Variants in CATSPERE observed in about 807,000 individuals in gnomAD.
CATSPERE encodes the protein catsper channel auxiliary subunit epsilon.
In CATSPERE, 93 loss-of-function variants were observed where a neutral mutation model predicts 114.1. That is an observed-to-expected ratio of 0.81 (90% CI 0.69 to 0.97). The LOEUF is 0.97. CATSPERE is among the 50% of genes least tolerant of loss of function. The probability of loss-of-function intolerance (pLI) is 0.00; values close to 1 mark genes in which losing one functional copy is unlikely to be tolerated. For missense variants in CATSPERE, 1,058 were observed against 1,131.6 expected (o/e 0.93, Z 0.93); for synonymous variants, 341 against 384.1 (o/e 0.89, Z 1.31).
intron 15 of CATSPERE, among the ~76,000 whole-genome samples, chr1:244,592,832 C>T (rs1157997936): frequency 6.6e-6 from 1 of 152,144 alleles, no homozygotes; most frequent in Non-Finnish European, 1.5e-5. Flanking sequence ...CTGTCCCCTG[C>T]AACGTGGTAA....
chr1:244,560,975 C>G lies in CATSPERE; in HGVS notation c.1337C>G (p.Thr446Ser), dbSNP rs73115417. 7 of 1,613,842 alleles carry G rather than the reference C, an allele frequency of 4.3e-6. No individual in the cohort carries two copies. The highest frequency in any genetic ancestry group is 3.3e-5 in the Admixed American group (2 of 60,000). ...TTAGATGCCCCTATTGACAGTGTTA[C>G]CATGCCACATTTTACATTTTCAGCA... Reference protein sequence around the residue: ...FTLDAPIDSVTMPHFTFSALP... With the variant: ...FTLDAPIDSVSMPHFTFSALP... Residue 446 changes from threonine to serine, a missense_variant, in exon 10 of 22, where the codon ACC becomes AGC. Coordinates refer to ENST00000366534, the MANE Select transcript of CATSPERE (RefSeq NM_001130957.2).
intron 20 of CATSPERE, among the ~76,000 whole-genome samples, chr1:244,618,208 C>G (rs1671637247): frequency 1.3e-5 from 2 of 152,076 alleles, no homozygotes; most frequent in Non-Finnish European, 2.9e-5. Context: ...ACAGACGCTT[C>G]CAGTGAAAGA....
chr1:244,452,385 CTG>C (rs761496921), upstream of CATSPERE, among the ~76,000 whole-genome samples: 8 of 152,312 alleles, frequency 5.3e-5, no homozygotes, highest in Non-Finnish European at 8.8e-5. Flanking sequence ...AAAATACAAA[CTG>C]TGGAATTTCG....
chr1:244,639,926 A>G lies in CATSPERE; in HGVS notation c.2703-2A>G. 1 of 1,522,886 alleles carries G rather than the reference A, an allele frequency of 6.6e-7. No individual in the cohort carries two copies. The highest frequency in any genetic ancestry group is 1.4e-5 in the African/African-American group (1 of 70,198). 94.3% of individuals were successfully genotyped at this position (1,522,886 alleles called of 1,614,324 possible). On this transcript the variant is annotated splice_acceptor_variant, in intron 21 of 21. Coordinates refer to ENST00000366534, the MANE Select transcript of CATSPERE (RefSeq NM_001130957.2). LOFTEE classifies it high-confidence loss of function. ...GCCTTTTTTTTTTTTTTCTGATTTC[A>G]GTCCAAGTGTCTACCTGGTAGCTTC...
chr1:244,598,941 C>G (rs1668802022), intron 17 of CATSPERE, among the ~76,000 whole-genome samples: 1 of 152,118 alleles, frequency 6.6e-6, no homozygotes, highest in African/African-American at 2.4e-5. Context: ...GTCAAGTATG[C>G]TTAGGCTATG....
At chr1:244,617,481 C>A in intron 19 of CATSPERE, 48 bp from the exon 20 acceptor site, 1 of 1,384,396 alleles carries the variant, frequency 7.2e-7, no homozygotes, top group Non-Finnish European at 9.5e-7. Context: ...TTTTGCGTAT[C>A]AAAGTCATAA....
chr1:244,463,887 A>T, intron 1 of CATSPERE, 21 bp from the exon 2 acceptor site: 2 of 1,568,274 alleles, frequency 1.3e-6, no homozygotes, highest in East Asian at 2.2e-5. Flanking sequence ...TAATATTTAT[A>T]CTTGGCCTCT....
chr1:244,634,483 A>G (rs963984407), intron 20 of CATSPERE, among the ~76,000 whole-genome samples: 1 of 152,244 alleles, frequency 6.6e-6, no homozygotes, highest in Non-Finnish European at 1.5e-5. Context: ...AGGTGAAATC[A>G]TGTCATAAAT....
At chr1:244,587,882 G>T (rs1037643473) in intron 13 of CATSPERE, among the ~76,000 whole-genome samples, 2 of 152,136 alleles carry the variant, frequency 1.3e-5, no homozygotes, top group African/African-American at 4.8e-5. Flanking sequence ...GATAGTCATG[G>T]TTGTAGAGAA....
At chr1:244,604,459 G>A (rs1669706739) in intron 17 of CATSPERE, among the ~76,000 whole-genome samples, 1 of 152,244 alleles carries the variant, frequency 6.6e-6, no homozygotes, top group African/African-American at 2.4e-5. Context: ...GACCTAGAAG[G>A]CCAGATACAA....
intron 10 of CATSPERE, among the ~76,000 whole-genome samples, chr1:244,564,205 T>A (rs12567005): frequency 0.19 from 28,225 of 152,106 alleles, 3,795 homozygotes; most frequent in East Asian, 0.41. Flanking sequence ...AGCTTTGTTC[T>A]TTTTGTTTAG....
chr1:244,468,507 A>G (rs1001321475), intron 2 of CATSPERE, among the ~76,000 whole-genome samples: 2 of 152,228 alleles, frequency 1.3e-5, no homozygotes, highest in Non-Finnish European at 2.9e-5. Context: ...CAGCTATGTC[A>G]TTTTAGAAAT....
chr1:244,509,855 T>G (rs1675416429), intron 7 of CATSPERE, among the ~76,000 whole-genome samples: 1 of 152,178 alleles, frequency 6.6e-6, no homozygotes, highest in African/African-American at 2.4e-5. Flanking sequence ...TTTCACAATT[T>G]GTTAGCATAT....
intron 8 of CATSPERE, among the ~76,000 whole-genome samples, chr1:244,521,721 TACA>T (rs1443372912): frequency 3.9e-5 from 6 of 152,224 alleles, no homozygotes; most frequent in East Asian, 3.8e-4. Context: ...GAAGGATTTC[TACA>T]ACAATTCAAA....
intron 6 of CATSPERE, among the ~76,000 whole-genome samples, chr1:244,494,458 G>T (rs1347428030): frequency 1.8e-5 from 2 of 112,032 alleles, no homozygotes; most frequent in Admixed American, 1.1e-4. Context: ...GTTGTGGGGT[G>T]GGGGGAGGGG....
intron 8 of CATSPERE, among the ~76,000 whole-genome samples, chr1:244,527,645 G>A (rs945534041): frequency 9.8e-5 from 15 of 152,296 alleles, no homozygotes; most frequent in African/African-American, 2.9e-4. Context: ...AATCACAAGC[G>A]TATTGATTGG....
intron 19 of CATSPERE, among the ~76,000 whole-genome samples, chr1:244,615,821 C>T (rs1330651338): frequency 6.6e-6 from 1 of 151,762 alleles, no homozygotes; most frequent in East Asian, 1.9e-4. Flanking sequence ...AAACAATTTT[C>T]AAAAATTTCA....
intron 15 of CATSPERE, among the ~76,000 whole-genome samples, chr1:244,592,449 A>G (rs1416844871): frequency 1.3e-5 from 2 of 152,150 alleles, no homozygotes; most frequent in Non-Finnish European, 2.9e-5. Flanking sequence ...TTAGACTGTC[A>G]AAATATAGAA....
intron 9 of CATSPERE, among the ~76,000 whole-genome samples, chr1:244,554,035 G>A (rs1402775718): frequency 6.6e-6 from 1 of 152,092 alleles, no homozygotes; most frequent in East Asian, 1.9e-4. Context: ...GTATTCCATT[G>A]GGTATATATA....
Sources: gnomAD v4.1 joint callset for allele counts (sites outside exome capture counted in the v4.1 genomes callset) on GRCh38, gnomAD v4.1.1 for gene constraint, MANE v1.5 for transcripts, NCBI Gene and HGNC (gene_info 2026-07-23, HGNC 2026-07-21) for gene names.